LMO3: variants seen among roughly 807,000 people sequenced by gnomAD.
LMO3 encodes LIM domain only 3.
A neutral mutation model predicts 15.8 loss-of-function variants in LMO3; 2 were observed. That is an observed-to-expected ratio of 0.13 (90% CI 0.05 to 0.40). The LOEUF (loss-of-function observed/expected upper bound fraction) is 0.40. Ranked by LOEUF, LMO3 falls within the 10% of genes least tolerant of loss-of-function variation. The pLI, the probability that LMO3 is intolerant of heterozygous loss-of-function variation, is 0.99. For synonymous variants in LMO3, 62 were observed against 63.8 expected (o/e 0.97, Z 0.13); for missense variants, 86 against 182.2 (o/e 0.47, Z 3.04).
At chr12:16,605,784 C>A in intron 1 of LMO3, 4 of 1,535,526 alleles carry the variant, frequency 2.6e-6, no homozygotes, top group Non-Finnish European at 3.5e-6. Context: ...CGTTCCGCGC[C>A]GCAGCCGCTC....
intron 2 of LMO3, among the ~76,000 whole-genome samples, chr12:16,577,895 A>G (rs1418534560): frequency 6.6e-6 from 1 of 152,178 alleles, no homozygotes; most frequent in African/African-American, 2.4e-5. Context: ...TAGGATCACA[A>G]ATTATTTTAT....
intron 2 of LMO3, chr12:16,594,312 C>A: frequency 7.0e-7 from 1 of 1,419,344 alleles, no homozygotes; most frequent in Non-Finnish European, 9.2e-7. Context: ...TATACACAAA[C>A]CAATTTTTAT....
Position 16,603,389 on chromosome 12 carries a change from TAAAA to T in LMO3, c.-8-2525_-8-2522del, listed in dbSNP as rs901843666. On this transcript the variant is annotated intron_variant, in intron 1 of 3. Transcript: ENST00000537304. This position sits in a 1 kb window ranked among gnomAD's most constrained non-coding sequence, Gnocchi z 4.9. ...TGTAGTCACCATGTTACCGTGTACT[TAAAA>T]GGCATAAAGCAGTCAGCAGTCTCCC... 2.6e-5 allele frequency among the ~76,000 whole-genome samples: 4 copies of T among 152,178 alleles called. No homozygotes were observed. The highest frequency in any genetic ancestry group is 2.6e-4 in the Admixed American group (4 of 15,282).
intron 2 of LMO3, among the ~76,000 whole-genome samples, chr12:16,595,396 T>C (rs968183830): frequency 1.3e-5 from 2 of 151,440 alleles, no homozygotes; most frequent in African/African-American, 4.8e-5. Context: ...GTATGTGCAG[T>C]AAATATTTTT....
intron 2 of LMO3, among the ~76,000 whole-genome samples, chr12:16,562,168 C>T (rs1942430683): frequency 6.6e-6 from 1 of 152,096 alleles, no homozygotes; most frequent in Non-Finnish European, 1.5e-5. Flanking sequence ...AGCTTTCATC[C>T]TATTCATTTG....
intron 2 of LMO3, among the ~76,000 whole-genome samples, chr12:16,570,431 C>G (rs1413483107): frequency 2.6e-5 from 4 of 151,492 alleles, no homozygotes; most frequent in Non-Finnish European, 5.9e-5. Context: ...GTAATTAAGG[C>G]ACTTCAAATA....
chr12:16,607,899 C>T (rs1488332883), upstream of LMO3: 1 of 152,092 alleles, frequency 6.6e-6, no homozygotes, highest in Non-Finnish European at 1.5e-5. Context: ...GGTTTGCTTT[C>T]CTCTCCCTTT....
At position 16,604,781 on chromosome 12, in the gene LMO3, A is replaced by G; in HGVS notation, c.-9+1285T>C. 7.0e-7 allele frequency: 1 copy of G among 1,428,724 alleles called. No homozygotes were observed. The highest frequency in any genetic ancestry group is 9.7e-7 in the Non-Finnish European group (1 of 1,028,782). 88.5% of individuals were successfully genotyped at this position (1,428,724 alleles called of 1,614,324 possible). A position where few individuals can be genotyped will look rare whatever the true frequency, so the allele number is the denominator to read the frequency against. ...TTCGGTTCTTTCAGAAAGACACAAA[A>G]GCAGCGGAAAAGCAGAAAGGCTTTT... On this transcript the variant is annotated intron_variant, in intron 1 of 3. Coordinates refer to ENST00000537304, the MANE Select transcript of LMO3 (RefSeq NM_018640.5). This position sits in a 1 kb window ranked among gnomAD's most constrained non-coding sequence, Gnocchi z 5.3.
chr12:16,571,783 C>A (rs1942819665), intron 2 of LMO3, among the ~76,000 whole-genome samples: 2 of 152,000 alleles, frequency 1.3e-5, no homozygotes, highest in African/African-American at 4.8e-5. Flanking sequence ...CAAAGTGTAA[C>A]TGGATCATTC....
At chr12:16,563,867 T>C (rs1942490271) in intron 2 of LMO3, among the ~76,000 whole-genome samples, 1 of 152,218 alleles carries the variant, frequency 6.6e-6, no homozygotes, top group Admixed American at 6.5e-5. Flanking sequence ...TCTATTTTGC[T>C]CATTTTAAGA....
At position 16,560,319 on chromosome 12, in the gene LMO3, C is replaced by T; in HGVS notation, c.332+94G>A. 3 of 1,358,638 alleles carry T rather than the reference C, an allele frequency of 2.2e-6. No homozygotes were observed. Among genetic ancestry groups the T allele is most frequent in the Admixed American group, 2.2e-5 (1 of 45,706 alleles). The allele number at this position is 1,358,638 out of a possible 1,614,324, so 84.2% of individuals were successfully genotyped here. A position where few individuals can be genotyped will look rare whatever the true frequency, so the allele number is the denominator to read the frequency against. ...AACAGAAAAACGCTGAGATTGATTG[C>T]TTTAAATGTATGAATATAATTTCCA... is the stretch of plus-strand genomic sequence containing the variant. On this transcript the variant is annotated intron_variant, in intron 3 of 3. Transcript: ENST00000537304. This position sits in a 1 kb window ranked among gnomAD's most constrained non-coding sequence, Gnocchi z 5.0.
Position 16,550,466 on chromosome 12 carries a change from A to T in LMO3, c.*756T>A, listed in dbSNP as rs551934925. 9.2e-5 allele frequency: 14 copies of T among 152,592 alleles called. No individual in the cohort carries two copies. Among genetic ancestry groups the T allele is most frequent in the African/African-American group, 3.1e-4 (13 of 41,556 alleles). 9.5% of individuals were successfully genotyped at this position (152,592 alleles called of 1,614,324 possible). On this transcript the variant is annotated 3_prime_UTR_variant, in exon 4 of 4. Transcript: ENST00000537304. Reference sequence around the variant, plus strand: ...AGAGCACACAAAAAAAGGATATTAAAAGGAAACCTGTTAAGCTTTAAAGTT... The same window carrying T: ...AGAGCACACAAAAAAAGGATATTAATAGGAAACCTGTTAAGCTTTAAAGTT...
Position 16,584,696 on chromosome 12 carries a change from G to A in LMO3, c.206+15959C>T, listed in dbSNP as rs1283012459. 6.6e-6 allele frequency among the ~76,000 whole-genome samples: 1 copy of A among 152,146 alleles called. No homozygotes were observed. The highest frequency in any genetic ancestry group is 1.5e-5 in the Non-Finnish European group (1 of 68,028). ...TAAGTCCAAACATATTGCAATGGCT[G>A]CCATGAAGTTCAAGAAACAGCAAGA... is the stretch of plus-strand genomic sequence containing the variant. On this transcript the variant is annotated intron_variant, in intron 2 of 3. Transcript: ENST00000537304. This position sits in a 1 kb window ranked among gnomAD's most constrained non-coding sequence, Gnocchi z 5.2.
chr12:16,562,098 G>A (rs563379797), intron 2 of LMO3, among the ~76,000 whole-genome samples: 1 of 152,168 alleles, frequency 6.6e-6, no homozygotes, highest in African/African-American at 2.4e-5. Context: ...GAACTTGCTC[G>A]AAAATGTAAT....
chr12:16,559,163 TTC>T lies in LMO3; in HGVS notation c.332+1248_332+1249del, dbSNP rs1942298739. 6.6e-6 allele frequency among the ~76,000 whole-genome samples: 1 copy of T among 152,192 alleles called. No homozygotes were observed. The highest frequency in any genetic ancestry group is 2.1e-4 in the South Asian group (1 of 4,836). On this transcript the variant is annotated intron_variant, in intron 3 of 3. Transcript: ENST00000537304. This position sits in a 1 kb window ranked among gnomAD's most constrained non-coding sequence, Gnocchi z 4.1. The stretch of plus-strand genomic sequence containing the variant: ...TATTGATTATATACTCTGCCAGGTG[TTC>T]TCACAGAAAGTCAGTGAATTCATTT...
intron 2 of LMO3, chr12:16,600,291 C>CAAAAAAAAAAAAAAAAAAAA (rs35993210): frequency 2.2e-3 from 155 of 69,658 alleles, no homozygotes; most frequent in East Asian, 3.0e-3. Context: ...CCTTAAGCTC[C>CAAAAAAAAAAAAAAAAAAAA]AAAAAAAAAA....
chr12:16,594,502 T>TA (rs1943589129), intron 2 of LMO3, among the ~76,000 whole-genome samples: 1 of 151,636 alleles, frequency 6.6e-6, no homozygotes, highest in Admixed American at 6.6e-5. Flanking sequence ...TTGTATTTTT[T>TA]ATTGATAAAA....
rs184176685 is a variant in LMO3 at position 16,574,727 on chromosome 12, G to C, written c.207-14189C>G. 5.7e-3 allele frequency among the ~76,000 whole-genome samples: 875 copies of C among 152,182 alleles called. 6 individuals carry two copies. Among genetic ancestry groups the C allele is most frequent in the Non-Finnish European group, 0.01 (694 of 67,998 alleles). On this transcript the variant is annotated intron_variant, in intron 2 of 3. Coordinates refer to ENST00000537304, the MANE Select transcript of LMO3 (RefSeq NM_018640.5). ...TGTTTCCAACCGCAAAGGATTTATC[G>C]GCCATTAGAAAAGAAAGTCTTCTAT...
In LMO3 at chr12:16,560,641, A is replaced by C; in HGVS notation, c.207-103T>G. ...ATACTCTGTAAAGCTACAATACACA[A>C]TGCTTTATGATGTACACAAGTGGAT... is the stretch of plus-strand genomic sequence containing the variant. On this transcript the variant is annotated intron_variant, in intron 2 of 3. Coordinates refer to ENST00000537304, the MANE Select transcript of LMO3 (RefSeq NM_018640.5). The surrounding 1 kb of genome is among the most constrained non-coding windows in gnomAD (Gnocchi z 5.0). 1.0e-6 allele frequency: 1 copy of C among 965,552 alleles called. No homozygotes were observed. The highest frequency in any genetic ancestry group is 1.6e-6 in the Non-Finnish European group (1 of 640,838). The allele number at this position is 965,552 out of a possible 1,614,324, so 59.8% of individuals were successfully genotyped here.
Sources: gnomAD v4.1 joint callset for allele counts (sites outside exome capture counted in the v4.1 genomes callset) on GRCh38, gnomAD v4.1.1 for gene constraint, Gnocchi (gnomAD v3.1) non-coding constraint, MANE v1.5 for transcripts, NCBI Gene and HGNC (gene_info 2026-07-23, HGNC 2026-07-21) for gene names.